The following PCDH7 variants were observed in gnomAD, a reference collection of about 807,000 sequenced individuals.
PCDH7 encodes the protein protocadherin 7, also known as protocadherin-7.
Under a neutral mutation model 58.9 loss-of-function variants are expected in PCDH7, and 17 were observed. The observed-to-expected ratio is 0.29, with a 90% CI of 0.20 to 0.43. The LOEUF is 0.43. Among genes scored for constraint, PCDH7 ranks in the 20% least tolerant of loss-of-function variants. The pLI is 1.00. For synonymous variants in PCDH7, 664 were observed against 616.4 expected (o/e 1.08, Z -1.14); for missense variants, 1,274 against 1,441.0 (o/e 0.88, Z 1.88).
chr4:30,897,514 G>C (rs903711662), intron 1 of PCDH7, among the ~76,000 whole-genome samples: 9 of 151,798 alleles, frequency 5.9e-5, no homozygotes, highest in African/African-American at 2.2e-4. Flanking sequence ...TATAAAATAA[G>C]GGATTAATAT....
At chr4:31,132,971 C>A (rs1354459338) in intron 3 of PCDH7, among the ~76,000 whole-genome samples, 3 of 152,092 alleles carry the variant, frequency 2.0e-5, no homozygotes, top group Non-Finnish European at 4.4e-5. Context: ...GGATTTGGGC[C>A]TCCAAAGAAC....
downstream of PCDH7, among the ~76,000 whole-genome samples, chr4:30,736,328 A>G (rs1038205844): frequency 2.0e-5 from 3 of 152,166 alleles, no homozygotes; most frequent in Non-Finnish European, 4.4e-5. Flanking sequence ...AATTTGAGAG[A>G]TAATATATTT....
intron 1 of PCDH7, among the ~76,000 whole-genome samples, chr4:30,904,263 C>G (rs1479455456): frequency 1.3e-4 from 20 of 152,136 alleles, no homozygotes; most frequent in Admixed American, 1.3e-3. Flanking sequence ...AAATCGGCCT[C>G]ACTAGACTAA....
chr4:30,740,316 A>T (rs941951521), intron 1 of PCDH7, among the ~76,000 whole-genome samples: 1 of 152,222 alleles, frequency 6.6e-6, no homozygotes, highest in South Asian at 2.1e-4. Flanking sequence ...TGTTCTTGAA[A>T]TTAGGTCACT....
chr4:30,780,762 ATGTT>A (rs754658400), intron 1 of PCDH7, among the ~76,000 whole-genome samples: 8 of 151,994 alleles, frequency 5.3e-5, no homozygotes, highest in Admixed American at 2.6e-4. Context: ...CAGCCTTGTT[ATGTT>A]TGTTTGTTTT....
intron 1 of PCDH7, among the ~76,000 whole-genome samples, chr4:30,874,693 T>G (rs1736068228): frequency 6.8e-6 from 1 of 146,180 alleles, no homozygotes; most frequent in Non-Finnish European, 1.5e-5. Context: ...AGTATAATAA[T>G]AATAAAATAA....
Position 30,942,427 on chromosome 4 carries a change from TA to T in PCDH7, c.288-7690del, listed in dbSNP as rs562660264. On this transcript the variant is annotated intron_variant, in intron 2 of 3. Transcript: ENST00000509759. ...CAAAATCATGCTTCTCTACAAGGTA[TA>T]AATTTTTACCTTCAGTGTCCTAATT... Among the ~76,000 whole-genome samples, 38 of 152,138 alleles carry T rather than the reference TA, an allele frequency of 2.5e-4. 1 individual carries two copies. In the South Asian group the frequency reaches 6.4e-3, roughly 26 times the overall value.
At chr4:30,780,164 G>A (rs375042455) in intron 1 of PCDH7, among the ~76,000 whole-genome samples, 2 of 152,100 alleles carry the variant, frequency 1.3e-5, no homozygotes, top group South Asian at 2.1e-4. Context: ...TGGTCTATTT[G>A]TAGTAATCTG....
At chr4:31,065,676 C>T (rs1325937150) in intron 3 of PCDH7, among the ~76,000 whole-genome samples, 1 of 151,922 alleles carries the variant, frequency 6.6e-6, no homozygotes, top group Non-Finnish European at 1.5e-5. Context: ...AACGTCTTGT[C>T]TCTGAGACTG....
intron 3 of PCDH7, among the ~76,000 whole-genome samples, chr4:31,001,475 A>AT (rs1189607479): frequency 1.3e-5 from 2 of 152,048 alleles, no homozygotes; most frequent in African/African-American, 4.8e-5. Context: ...CAGAGTGAAA[A>AT]TTTTTTTAAA....
chr4:30,722,936 T>C lies in PCDH7; in HGVS notation c.1514T>C (p.Ile505Thr). The C allele has an allele frequency of 2.5e-6, 4 of 1,613,620 alleles. No individual in the cohort carries two copies. Among genetic ancestry groups the C allele is most frequent in the Non-Finnish European group, 2.5e-6 (3 of 1,180,028 alleles). ...GCCACCCGGGAGTTCAACGTGGTCA[T>C]CGTGGCGGTGGACTCAGGCAGCCCC... Residue 505 changes from isoleucine to threonine, a missense_variant, in exon 1 of 2, where the codon ATC (isoleucine) becomes ACC (threonine). By Grantham distance (89) the Ile-to-Thr change is moderately conservative. Transcript: ENST00000361762. The surrounding 1 kb of genome is among the most constrained non-coding windows in gnomAD (Gnocchi z 7.6).
intron 1 of PCDH7, among the ~76,000 whole-genome samples, chr4:30,872,700 A>G (rs150535573): frequency 6.6e-4 from 101 of 152,240 alleles, no homozygotes; most frequent in South Asian, 2.9e-3. Context: ...CATTGTAGGC[A>G]TTCATATGTA....
At chr4:30,915,835 T>A (rs1336329877) in intron 1 of PCDH7, among the ~76,000 whole-genome samples, 1 of 152,086 alleles carries the variant, frequency 6.6e-6, no homozygotes, top group Non-Finnish European at 1.5e-5. Context: ...CACCCTTTTT[T>A]TCAAATTGCT....
intron 3 of PCDH7, among the ~76,000 whole-genome samples, chr4:30,986,384 G>A (rs1383638512): frequency 6.6e-6 from 1 of 151,842 alleles, no homozygotes; most frequent in Non-Finnish European, 1.5e-5. Flanking sequence ...TTGTAGCTAT[G>A]AGTGCCTTTC....
At chr4:30,904,908 C>A (rs1256058817) in intron 1 of PCDH7, among the ~76,000 whole-genome samples, 1 of 152,100 alleles carries the variant, frequency 6.6e-6, no homozygotes, top group African/African-American at 2.4e-5. Flanking sequence ...GTCTTGATTC[C>A]TGTGAGACAT....
intron 1 of PCDH7, among the ~76,000 whole-genome samples, chr4:30,727,013 A>G (rs1469406644): frequency 6.6e-6 from 1 of 151,852 alleles, no homozygotes; most frequent in Non-Finnish European, 1.5e-5. Context: ...ATTTTCTTTG[A>G]TTAAACCTGA....
chr4:30,732,581 A>C (rs1432555123), exon 2 of PCDH7: 1 of 152,214 alleles, frequency 6.6e-6, no homozygotes, highest in Non-Finnish European at 1.5e-5. Flanking sequence ...ATAAAATAGA[A>C]AAATTCAGAG....
chr4:31,034,639 TTTTTTAGGATTGTAA>T (rs1343757209), intron 3 of PCDH7, among the ~76,000 whole-genome samples: 10 of 152,178 alleles, frequency 6.6e-5, no homozygotes, highest in Non-Finnish European at 1.5e-4. Context: ...ACTCCAGAAT[TTTTTTAGGATTGTAA>T]AAATCTATCG....
chr4:30,982,026 C>T (rs189601894), intron 3 of PCDH7, among the ~76,000 whole-genome samples: 3 of 152,082 alleles, frequency 2.0e-5, no homozygotes, highest in Non-Finnish European at 4.4e-5. Flanking sequence ...AACAATGTAT[C>T]GTGTTCTTGA....
Sources: allele counts gnomAD v4.1 joint callset (sites outside exome capture counted in the v4.1 genomes callset), GRCh38; gene constraint gnomAD v4.1.1; non-coding constraint Gnocchi (gnomAD v3.1); transcripts MANE v1.5; gene names NCBI Gene and HGNC (gene_info 2026-07-23, HGNC 2026-07-21).